SEC14L5: variants seen among roughly 807,000 people sequenced by gnomAD.
SEC14L5 encodes the protein SEC14 like lipid binding 5.
SEC14L5 carries 96 observed loss-of-function variants against 84.6 expected under a neutral mutation model. The ratio of observed to expected loss-of-function variants is 1.13; its 90% CI spans 0.96 to 1.34. The LOEUF (loss-of-function observed/expected upper bound fraction) is 1.34. SEC14L5 is among the 40% of genes most tolerant of loss of function. The pLI is 0.00. For missense variants in SEC14L5, 1,224 were observed against 942.5 expected (o/e 1.30, Z -3.91); for synonymous variants, 546 against 383.4 (o/e 1.42, Z -4.95).
At chr16:4,988,560 T>G (rs910917869) in intron 4 of SEC14L5, among the ~76,000 whole-genome samples, 1 of 152,246 alleles carries the variant, frequency 6.6e-6, no homozygotes, top group Non-Finnish European at 1.5e-5. Context: ...CTGTGTTTTA[T>G]CTGTTAAATC....
intron 14 of SEC14L5, 33 bp from the exon 15 acceptor site, chr16:5,011,062 G>A (rs778281465): frequency 3.8e-5 from 59 of 1,559,906 alleles, no homozygotes; most frequent in African/African-American, 1.9e-4. Flanking sequence ...TCTGGAGGGC[G>A]CAGGGCCTCA....
intron 7 of SEC14L5, 52 bp downstream of exon 7, chr16:4,996,512 C>G (rs1165553481): frequency 2.1e-6 from 2 of 943,670 alleles, no homozygotes; most frequent in Non-Finnish European, 3.4e-6. Context: ...ATGACTGGTA[C>G]TCAGCCTCCG....
intron 4 of SEC14L5, among the ~76,000 whole-genome samples, chr16:4,988,595 C>G (rs1244601013): frequency 2.0e-5 from 3 of 152,162 alleles, no homozygotes; most frequent in Non-Finnish European, 2.9e-5. Flanking sequence ...TCTCCCTCCT[C>G]TTTCCCCTCC....
rs1224233782 is a variant in SEC14L5, at chr16:5,011,363, G to C, written c.1979+90G>C. ...GCCTGGCCTCCTGTCTCCCAGCTGGGTCAGCTTCTCCCGGGGTGGGACCCC... is the reference window on the plus strand; with the variant it reads ...GCCTGGCCTCCTGTCTCCCAGCTGGCTCAGCTTCTCCCGGGGTGGGACCCC... On this transcript the variant is annotated intron_variant, in intron 15 of 15. Transcript: ENST00000251170. The C allele has an allele frequency of 2.1e-5, 29 of 1,363,774 alleles. No homozygotes were observed. The South Asian group carries it at 2.7e-4, about 13-fold the overall frequency. The allele number at this position is 1,363,774 out of a possible 1,614,324, so 84.5% of individuals were successfully genotyped here.
At chr16:5,010,480 A>C (rs934079517) in intron 14 of SEC14L5, among the ~76,000 whole-genome samples, 1 of 151,974 alleles carries the variant, frequency 6.6e-6, no homozygotes, top group Non-Finnish European at 1.5e-5. Flanking sequence ...GTGGAATGTC[A>C]CTCTCTGACT....
chr16:4,997,021 G>A lies in SEC14L5; in HGVS notation c.947G>A (p.Gly316Glu). ...PPALLEEFYA[G>E]GWHYQDIDGR... ...GCCCTGCTGGAGGAGTTCTATGCAG[G>A]GGGCTGGCATTACCAGGACATAGGT... Residue 316 changes from glycine to glutamate, a missense_variant, in exon 8 of 16, where the codon GGG becomes GAG. By Grantham distance (98) the Gly-to-Glu change is moderately conservative. Transcript: ENST00000251170. The A allele has an allele frequency of 6.2e-7, 1 of 1,611,694 alleles. No individual in the cohort carries two copies. The highest frequency in any genetic ancestry group is 1.3e-5 in the African/African-American group (1 of 74,944).
At chr16:4,979,358 G>T (rs1207450053) in intron 2 of SEC14L5, among the ~76,000 whole-genome samples, 1 of 152,202 alleles carries the variant, frequency 6.6e-6, no homozygotes. Flanking sequence ...CTCACAAGCT[G>T]TGCGACTATG....
chr16:4,977,273 C>A (rs1214574506), intron 2 of SEC14L5, among the ~76,000 whole-genome samples: 1 of 151,410 alleles, frequency 6.6e-6, no homozygotes, highest in African/African-American at 2.4e-5. Context: ...ATGGTGAAAC[C>A]CCATCTCTAC....
At chr16:5,006,333 G>A (rs981423699) in intron 12 of SEC14L5, among the ~76,000 whole-genome samples, 11 of 152,338 alleles carry the variant, frequency 7.2e-5, no homozygotes, top group Admixed American at 2.0e-4. Flanking sequence ...GCCAGTCAAA[G>A]GCTTACGCAT....
At chr16:5,006,859 G>T (rs1160334400) in intron 12 of SEC14L5, among the ~76,000 whole-genome samples, 1 of 151,984 alleles carries the variant, frequency 6.6e-6, no homozygotes, top group African/African-American at 2.4e-5. Context: ...ATCATTGTTT[G>T]GTGGTGGCAG....
Position 5,015,299 on chromosome 16 carries a change from C to T in SEC14L5, c.*329C>T, listed in dbSNP as rs1368773560. 3.5e-6 allele frequency: 1 copy of T among 283,002 alleles called. No individual in the cohort carries two copies. The highest frequency in any genetic ancestry group is 6.6e-5 in the East Asian group (1 of 15,040). 17.5% of individuals were successfully genotyped at this position (283,002 alleles called of 1,614,324 possible). A position where few individuals can be genotyped will look rare whatever the true frequency, so the allele number is the denominator to read the frequency against. On this transcript the variant is annotated 3_prime_UTR_variant, in exon 16 of 16. Coordinates refer to ENST00000251170, the MANE Select transcript of SEC14L5 (RefSeq NM_014692.2). ...AGGCCCATCTCCTCTCTGTCCACCT[C>T]TTGCTCTGCTTTCGCCATGCAGGGG...
Position 5,001,040 on chromosome 16 carries a change from C to T in SEC14L5, c.1130+115C>T, listed in dbSNP as rs1370493320. ...AGCGTGCCAGGGGCTTCATTCTCCC[C>T]CAGTTTCTACAGTGGTCTTCTGGGC... is the stretch of plus-strand genomic sequence containing the variant. On this transcript the variant is annotated intron_variant, in intron 10 of 15. Coordinates refer to ENST00000251170, the MANE Select transcript of SEC14L5 (RefSeq NM_014692.2). 1.0e-5 allele frequency: 8 copies of T among 802,366 alleles called. No homozygotes were observed. In the African/African-American group the frequency reaches 1.0e-4, roughly 10 times the overall value. 49.7% of individuals were successfully genotyped at this position (802,366 alleles called of 1,614,324 possible).
chr16:4,999,570 A>G (rs1750635573), intron 8 of SEC14L5, among the ~76,000 whole-genome samples: 1 of 152,010 alleles, frequency 6.6e-6, no homozygotes. Context: ...CAGTGAGTCG[A>G]GATCATGCCA....
At chr16:4,995,808 T>C (rs1568133823) in intron 6 of SEC14L5, among the ~76,000 whole-genome samples, 1 of 151,994 alleles carries the variant, frequency 6.6e-6, no homozygotes, top group South Asian at 2.1e-4. Flanking sequence ...TGTATTTTAA[T>C]AGAGACTGGG....
rs1210637101 is a variant in SEC14L5, at chr16:4,996,364, G to A, written c.684G>A (p.Ala228=). 12 of 1,558,948 alleles carry A rather than the reference G, an allele frequency of 7.7e-6. No individual in the cohort carries two copies. Among genetic ancestry groups the A allele is most frequent in the African/African-American group, 5.5e-5 (4 of 73,278 alleles). Residue 228 remains alanine (A), a synonymous_variant, in exon 7 of 16, where the codon GCG becomes GCA. Coordinates refer to ENST00000251170, the MANE Select transcript of SEC14L5 (RefSeq NM_014692.2). ...TCCTCCAAGGGGACAAGCTGGATGC[G>A]GACTACATTGAGAGGTGCCTGGGCC... The part of the protein sequence containing the change: ...AVSMDGDKLD[A]DYIERCLGHL...
Position 4,996,342 on chromosome 16 carries a change from T to G in SEC14L5, c.668-6T>G. On this transcript the variant is annotated splice_polypyrimidine_tract_variant and splice_region_variant and intron_variant, in intron 6 of 15. Coordinates refer to ENST00000251170, the MANE Select transcript of SEC14L5 (RefSeq NM_014692.2). ...CTTGTCCTGAAGCTCCCCCTTCTCC[T>G]CCAAGGGGACAAGCTGGATGCGGAC... The G allele has an allele frequency of 6.5e-7, 1 of 1,530,912 alleles. No homozygotes were observed. Among genetic ancestry groups the G allele is most frequent in the Non-Finnish European group, 8.9e-7 (1 of 1,127,756 alleles). The allele number at this position is 1,530,912 out of a possible 1,614,324, so 94.8% of individuals were successfully genotyped here.
chr16:4,994,406 T>G (rs1052814919), intron 6 of SEC14L5, among the ~76,000 whole-genome samples: 1 of 152,002 alleles, frequency 6.6e-6, no homozygotes, highest in African/African-American at 2.4e-5. Flanking sequence ...TGCAGTGGTG[T>G]GATCTCAGCT....
At chr16:4,987,856 A>C in intron 3 of SEC14L5, 150 bp downstream of exon 3, 1 of 697,698 alleles carries the variant, frequency 1.4e-6, no homozygotes, top group Non-Finnish European at 2.3e-6. Flanking sequence ...TTCCAGGATG[A>C]GGGTGGCGGG....
Position 4,988,151 on chromosome 16 carries a change from C to G in SEC14L5, c.216C>G (p.Ile72Met). 1.3e-6 allele frequency: 2 copies of G among 1,555,440 alleles called. No individual in the cohort carries two copies. The highest frequency in any genetic ancestry group is 1.8e-6 in the Non-Finnish European group (2 of 1,139,290). ...RVDAPRLLRK[I>M]AGVEHVVFVQ... is the part of the protein sequence containing the mutation. ...CCTCCCCGCCCCTTCCCTTGCAGAT[C>G]GCAGGTGTTGAGCACGTGGTCTTCG... The change falls in exon 4 of 16, where the codon ATC (isoleucine) becomes ATG (methionine). Residue 72 changes from isoleucine to methionine, a missense_variant and splice_region_variant. Transcript: ENST00000251170.
Sources: gnomAD v4.1 joint callset for allele counts (sites outside exome capture counted in the v4.1 genomes callset) on GRCh38, gnomAD v4.1.1 for gene constraint, MANE v1.5 for transcripts, NCBI Gene and HGNC (gene_info 2026-07-23, HGNC 2026-07-21) for gene names.